The following ZNF385D variants were observed in gnomAD, a reference collection of about 807,000 sequenced individuals.
ZNF385D encodes the protein zinc finger protein 385D.
A neutral mutation model predicts 35.8 loss-of-function variants in ZNF385D; 15 were observed. That is an observed-to-expected ratio of 0.42 (90% CI 0.28 to 0.64). ZNF385D has a LOEUF of 0.64. Ranked by LOEUF, ZNF385D falls within the 30% of genes least tolerant of loss-of-function variation. The probability of loss-of-function intolerance (pLI) is 0.23; values close to 1 mark genes in which losing one functional copy is unlikely to be tolerated. For missense variants in ZNF385D, 474 were observed against 494.6 expected, an observed-to-expected ratio of 0.96 and a Z score of 0.39; for synonymous variants, 212 against 186.8, an observed-to-expected ratio of 1.13 and a Z score of -1.10.
chr3:22,075,592 G>A (rs1294886103), intron 3 of ZNF385D, among the ~76,000 whole-genome samples: 1 of 151,740 alleles, frequency 6.6e-6, no homozygotes, highest in Non-Finnish European at 1.5e-5. Flanking sequence ...ACCATCTTTT[G>A]TAAGATTGTC....
At chr3:21,879,967 G>C (rs191633762) in intron 3 of ZNF385D, among the ~76,000 whole-genome samples, 43 of 152,040 alleles carry the variant, frequency 2.8e-4, no homozygotes, top group African/African-American at 9.4e-4. Flanking sequence ...CACCAAATTA[G>C]AGTCTGGCCA....
chr3:21,808,501 G>C (rs1047144390), intron 3 of ZNF385D, among the ~76,000 whole-genome samples: 1 of 152,188 alleles, frequency 6.6e-6, no homozygotes, highest in Non-Finnish European at 1.5e-5. Flanking sequence ...ACTGGGCATG[G>C]CCATTGCAGA....
At chr3:21,974,787 C>T (rs1703487701) in intron 3 of ZNF385D, among the ~76,000 whole-genome samples, 1 of 152,074 alleles carries the variant, frequency 6.6e-6, no homozygotes. Context: ...CAAAAGAAGG[C>T]ACGCAAATGG....
In ZNF385D at chr3:22,241,988, G is replaced by C. The variant is rs148670797; in HGVS notation, c.107-72953C>G. ...CCATTCGCAAGAACAAAAAACCAAA[G>C]ACCGCATATTCTCACTCATAGGTGG... On this transcript the variant is annotated intron_variant, in intron 2 of 5. Transcript: ENST00000494108. 3.3e-4 allele frequency among the ~76,000 whole-genome samples: 49 copies of C among 148,614 alleles called. 2 individuals carry two copies. In the East Asian group the frequency reaches 9.2e-3, roughly 28 times the overall value.
chr3:21,819,478 A>G (rs2073298057), intron 3 of ZNF385D, among the ~76,000 whole-genome samples: 1 of 151,354 alleles, frequency 6.6e-6, no homozygotes, highest in East Asian at 1.9e-4. Flanking sequence ...GTTAATTAAC[A>G]CAATAAAAAT....
chr3:21,896,403 A>C (rs259495), intron 3 of ZNF385D, among the ~76,000 whole-genome samples: 22,447 of 152,116 alleles, frequency 0.15, 1,901 homozygotes, highest in Middle Eastern at 0.17. Flanking sequence ...ATAAAACAAA[A>C]AATTTCTCTG....
At chr3:21,909,145 C>A (rs1699837336) in intron 3 of ZNF385D, among the ~76,000 whole-genome samples, 3 of 152,020 alleles carry the variant, frequency 2.0e-5, no homozygotes, top group African/African-American at 7.2e-5. Context: ...ACTTATCTTC[C>A]TACAGAATGG....
At chr3:22,224,324 C>A (rs1252166388) in intron 2 of ZNF385D, among the ~76,000 whole-genome samples, 1 of 152,008 alleles carries the variant, frequency 6.6e-6, no homozygotes, top group East Asian at 1.9e-4. Flanking sequence ...TGCTACTTAC[C>A]AGCTTAGTGT....
At chr3:21,602,421 T>C (rs536577520) in intron 2 of ZNF385D, among the ~76,000 whole-genome samples, 8 of 151,752 alleles carry the variant, frequency 5.3e-5, no homozygotes, top group Admixed American at 2.0e-4. Context: ...AGAACTCTTA[T>C]TTTACGGGAA....
intron 2 of ZNF385D, among the ~76,000 whole-genome samples, chr3:22,337,163 C>T (rs1695208285): frequency 6.6e-6 from 1 of 151,852 alleles, no homozygotes; most frequent in Non-Finnish European, 1.5e-5. Context: ...TTAACTTTTT[C>T]CATGAGATTT....
intron 3 of ZNF385D, among the ~76,000 whole-genome samples, chr3:22,137,143 T>G (rs1012299662): frequency 6.6e-6 from 1 of 152,184 alleles, no homozygotes; most frequent in Non-Finnish European, 1.5e-5. Flanking sequence ...AAGATCTTTC[T>G]GTGTTTTTTA....
At position 21,692,602 on chromosome 3, in the gene ZNF385D, T is replaced by C. The variant is rs1575471862; in HGVS notation, c.23-27574A>G. ...CCTTCACAATCCAGCGCCAGTGTAT[T>C]TTTCCAGCTTGAGCTGCTGATCACA... is the stretch of plus-strand genomic sequence containing the variant. On this transcript the variant is annotated intron_variant, in intron 1 of 7. Coordinates refer to ENST00000281523, the MANE Select transcript of ZNF385D (RefSeq NM_024697.3). Among the ~76,000 whole-genome samples, 4 of 152,332 alleles carry C rather than the reference T, an allele frequency of 2.6e-5. No individual in the cohort carries two copies. The South Asian group carries it at 8.3e-4, about 32-fold the overall frequency.
chr3:22,011,524 T>C (rs1223078849), intron 3 of ZNF385D, among the ~76,000 whole-genome samples: 1 of 152,090 alleles, frequency 6.6e-6, no homozygotes, highest in Non-Finnish European at 1.5e-5. Flanking sequence ...AAGAGAAACA[T>C]AGTAATACAG....
intron 2 of ZNF385D, among the ~76,000 whole-genome samples, chr3:22,198,850 A>G (rs1696594866): frequency 6.6e-6 from 1 of 152,100 alleles, no homozygotes; most frequent in Non-Finnish European, 1.5e-5. Context: ...TTAAAGAGAA[A>G]TCAGCTGTTA....
rs578139668 is a variant in ZNF385D at position 21,877,575 on chromosome 3, G to T, written c.326-212547C>A. 1.2e-4 allele frequency among the ~76,000 whole-genome samples: 18 copies of T among 152,188 alleles called. No homozygotes were observed. In the South Asian group the frequency reaches 2.5e-3, roughly 21 times the overall value. ...ATTGATTCTGGAGAGCCTCGGAAAT[G>T]GTTCAAGGAAAACACAGCTGTGCTG... is the stretch of plus-strand genomic sequence containing the variant. On this transcript the variant is annotated intron_variant, in intron 3 of 5. Coordinates refer to the ZNF385D transcript ENST00000494108.
chr3:22,166,066 T>C (rs899929118), intron 3 of ZNF385D, among the ~76,000 whole-genome samples: 4 of 128,072 alleles, frequency 3.1e-5, no homozygotes, highest in Non-Finnish European at 7.6e-5. Context: ...GATCCTACCA[T>C]TCTTGACTTT....
At chr3:21,481,822 T>C (rs914789153) in intron 4 of ZNF385D, among the ~76,000 whole-genome samples, 2 of 152,158 alleles carry the variant, frequency 1.3e-5, no homozygotes, top group African/African-American at 4.8e-5. Context: ...GTGAACTTAG[T>C]AGGTGCTCAA....
At chr3:22,295,569 CTT>C (rs1454041741) in intron 2 of ZNF385D, among the ~76,000 whole-genome samples, 1 of 152,008 alleles carries the variant, frequency 6.6e-6, no homozygotes, top group Non-Finnish European at 1.5e-5. Flanking sequence ...AGCATATAAA[CTT>C]AATGAAAAAA....
At chr3:21,832,317 G>A (rs570587392) in intron 3 of ZNF385D, among the ~76,000 whole-genome samples, 9 of 152,252 alleles carry the variant, frequency 5.9e-5, no homozygotes, top group Middle Eastern at 3.4e-3. Context: ...TCATCTGCCC[G>A]TTAAGTATTT....
Sources: allele counts gnomAD v4.1 joint callset (sites outside exome capture counted in the v4.1 genomes callset), GRCh38; gene constraint gnomAD v4.1.1; transcripts MANE v1.5; gene names NCBI Gene and HGNC (gene_info 2026-07-23, HGNC 2026-07-21).